Variants in PCDH15 observed in about 807,000 individuals in gnomAD.
PCDH15 encodes the protein protocadherin-15.
Under a neutral mutation model 178.5 loss-of-function variants are expected in PCDH15, and 129 were observed. The ratio of observed to expected loss-of-function variants is 0.72; its 90% CI spans 0.63 to 0.84. PCDH15 has a LOEUF of 0.84. Among genes scored for constraint, PCDH15 ranks in the 40% least tolerant of loss-of-function variants. PCDH15 has a pLI of 0.00. For synonymous variants in PCDH15, 800 were observed against 732.0 expected (o/e 1.09, Z -1.50); for missense variants, 2,230 against 2,099.9 (o/e 1.06, Z -1.21).
chr10:54,583,635 T>C (rs1183824767), intron 2 of PCDH15, among the ~76,000 whole-genome samples: 13 of 152,116 alleles, frequency 8.5e-5, no homozygotes, highest in Non-Finnish European at 5.9e-5. Context: ...GTAGATAAGA[T>C]TATCAACTCC....
chr10:55,169,443 T>C (rs1839274754), intron 1 of PCDH15, among the ~76,000 whole-genome samples: 1 of 152,190 alleles, frequency 6.6e-6, no homozygotes, highest in Non-Finnish European at 1.5e-5. Flanking sequence ...TTTAACTACA[T>C]TTCAACCCTT....
rs774857947 is a variant in PCDH15 at position 53,866,660 on chromosome 10, G to A, written c.3699C>T (p.Ser1233=). The A allele has an allele frequency of 1.9e-5, 31 of 1,613,266 alleles. No homozygotes were observed. Among genetic ancestry groups the A allele is most frequent in the Non-Finnish European group, 2.3e-5 (27 of 1,179,490 alleles). ...TACTTACGAGTACATCGGCTTTGCC[G>A]CTCAGTCCCTTCCCATAGTCGTCAG... ...IATDDYGKGL[S]GKADVLVSVV... Residue 1233 remains serine (S), a synonymous_variant, in exon 27 of 38, where the codon AGC becomes AGT. Coordinates refer to ENST00000644397, the MANE Select transcript of PCDH15 (RefSeq NM_001384140.1).
chr10:54,260,977 T>A (rs1320497337), intron 8 of PCDH15, among the ~76,000 whole-genome samples: 1 of 152,194 alleles, frequency 6.6e-6, no homozygotes, highest in African/African-American at 2.4e-5. Flanking sequence ...TTCTTTACAG[T>A]AATGACCGCT....
chr10:54,121,195 T>TTTTTTTTTTTTTTTTTG (rs1468310840), intron 15 of PCDH15, among the ~76,000 whole-genome samples: 4 of 152,002 alleles, frequency 2.6e-5, no homozygotes, highest in African/African-American at 9.7e-5. Flanking sequence ...GAGTGACTTT[T>TTTTTTTTTTTTTTTTTG]AAGTAAACAA....
chr10:54,995,362 C>T (rs893242452), intron 2 of PCDH15, among the ~76,000 whole-genome samples: 6 of 134,026 alleles, frequency 4.5e-5, no homozygotes, highest in Admixed American at 8.7e-5. Context: ...GACGACAGAG[C>T]GAGACTACGA....
intron 2 of PCDH15, among the ~76,000 whole-genome samples, chr10:54,625,771 T>G (rs1238206274): frequency 6.6e-6 from 1 of 152,128 alleles, no homozygotes; most frequent in Non-Finnish European, 1.5e-5. Flanking sequence ...GAGTGAAGCT[T>G]TGCTGAAAAG....
chr10:54,432,287 C>CAAA (rs35612465), intron 3 of PCDH15, among the ~76,000 whole-genome samples: 8 of 151,250 alleles, frequency 5.3e-5, no homozygotes, highest in Non-Finnish European at 7.4e-5. Flanking sequence ...AACAAACAAA[C>CAAA]AAAAAAAACC....
At chr10:55,561,500 G>A (rs1842199154) in intron 2 of PCDH15, among the ~76,000 whole-genome samples, 1 of 151,782 alleles carries the variant, frequency 6.6e-6, no homozygotes, top group Admixed American at 6.6e-5. Flanking sequence ...TATTTTTTCA[G>A]GTGTCTTAAC....
intron 2 of PCDH15, among the ~76,000 whole-genome samples, chr10:55,341,797 ATATATATATTTTTTTTTTTT>A (rs1325170264): frequency 4.4e-4 from 5 of 11,340 alleles, no homozygotes; most frequent in Admixed American, 3.6e-3. Context: ...ATATATATAT[ATATATATATTTTTTTTTTTT>A]TTTTTTTTTT....
chr10:55,602,981 G>T (rs1012113964), intron 2 of PCDH15, among the ~76,000 whole-genome samples: 1 of 151,966 alleles, frequency 6.6e-6, no homozygotes, highest in Non-Finnish European at 1.5e-5. Context: ...AAGAAGTTGA[G>T]AACTTTGAAA....
intron 15 of PCDH15, among the ~76,000 whole-genome samples, chr10:54,120,224 A>G (rs2095191811): frequency 1.3e-5 from 2 of 152,194 alleles, no homozygotes; most frequent in Admixed American, 6.5e-5. Flanking sequence ...TACTAAGAAT[A>G]TTTGTTACCA....
intron 8 of PCDH15, among the ~76,000 whole-genome samples, chr10:54,237,257 T>C (rs1049306762): frequency 3.9e-5 from 6 of 152,150 alleles, no homozygotes; most frequent in African/African-American, 1.4e-4. Context: ...GCCTATCAAA[T>C]AGTTTATGAA....
At chr10:54,586,089 G>T (rs2091444305) in intron 2 of PCDH15, among the ~76,000 whole-genome samples, 3 of 152,046 alleles carry the variant, frequency 2.0e-5, no homozygotes, top group African/African-American at 7.2e-5. Flanking sequence ...ACCCAGTTTT[G>T]TAGCATTTGA....
intron 2 of PCDH15, among the ~76,000 whole-genome samples, chr10:54,940,210 A>AAACTT (rs1450059422): frequency 6.6e-6 from 1 of 152,132 alleles, no homozygotes; most frequent in Non-Finnish European, 1.5e-5. Context: ...GTTTCACTGT[A>AAACTT]TCGTATAAGT....
chr10:54,134,482 G>T (rs11004089), intron 14 of PCDH15, among the ~76,000 whole-genome samples: 42,712 of 151,864 alleles, frequency 0.28, 7,017 homozygotes, highest in East Asian at 0.88. Flanking sequence ...GGCTGGGCAC[G>T]GTGGCTCACA....
chr10:54,190,858 G>A (rs1409614584), intron 11 of PCDH15, among the ~76,000 whole-genome samples: 3 of 152,182 alleles, frequency 2.0e-5, no homozygotes, highest in African/African-American at 7.2e-5. Flanking sequence ...AAAAACAGAT[G>A]TATCAGAAGG....
chr10:53,823,456 T>A, intron 32 of PCDH15: 1 of 1,144,920 alleles, frequency 8.7e-7, no homozygotes, highest in Non-Finnish European at 1.3e-6. Context: ...ATTAAATACT[T>A]AAAAACATCA....
chr10:54,076,723 C>T (rs1004593178), intron 17 of PCDH15, among the ~76,000 whole-genome samples: 3 of 152,074 alleles, frequency 2.0e-5, no homozygotes, highest in Non-Finnish European at 4.4e-5. Context: ...CAAACTTCCT[C>T]CATACTGTCT....
intron 10 of PCDH15, among the ~76,000 whole-genome samples, chr10:54,196,682 T>C (rs1028263003): frequency 6.6e-6 from 1 of 152,160 alleles, no homozygotes; most frequent in Non-Finnish European, 1.5e-5. Context: ...AATTCGTAAG[T>C]TGAAATTTTA....
Sources: gnomAD v4.1 joint callset for allele counts (sites outside exome capture counted in the v4.1 genomes callset) on GRCh38, gnomAD v4.1.1 for gene constraint, MANE v1.5 for transcripts, NCBI Gene and HGNC (gene_info 2026-07-23, HGNC 2026-07-21) for gene names.